The following CDC5L variants were observed in gnomAD, a reference collection of about 807,000 sequenced individuals.
The protein encoded by CDC5L is cell division cycle 5-like protein.
CDC5L carries 18 observed loss-of-function variants against 104.1 expected under a neutral mutation model. The ratio of observed to expected loss-of-function variants is 0.17; its 90% CI spans 0.12 to 0.26. CDC5L has a LOEUF of 0.26. CDC5L is among the 10% of genes least tolerant of loss of function. CDC5L has a pLI of 1.00. For missense variants in CDC5L, 673 were observed against 956.9 expected (o/e 0.70, Z 3.91); for synonymous variants, 331 against 322.7 (o/e 1.03, Z -0.28).
chr6:44,392,867 A>G, intron 3 of CDC5L, 39 bp downstream of exon 3: 2 of 1,557,102 alleles, frequency 1.3e-6, no homozygotes, highest in Non-Finnish European at 1.8e-6. Flanking sequence ...ATATATGTAT[A>G]TGTTCTGAAA....
chr6:44,417,316 C>G (rs1010436656), intron 8 of CDC5L, among the ~76,000 whole-genome samples: 3 of 152,092 alleles, frequency 2.0e-5, no homozygotes, highest in African/African-American at 7.2e-5. Flanking sequence ...CTTGGGCTTT[C>G]TCATAGTGTA....
chr6:44,390,424 T>C (rs1194524269), intron 2 of CDC5L, 53 bp downstream of exon 2: 2 of 1,116,112 alleles, frequency 1.8e-6, no homozygotes, highest in East Asian at 2.5e-5. Flanking sequence ...ATTATGATGA[T>C]GGAAAATGTC....
intron 9 of CDC5L, among the ~76,000 whole-genome samples, chr6:44,421,725 A>G (rs896823435): frequency 6.6e-6 from 1 of 152,268 alleles, no homozygotes; most frequent in Non-Finnish European, 1.5e-5. Context: ...TTTACATTGT[A>G]TTAGGTATTA....
intron 5 of CDC5L, among the ~76,000 whole-genome samples, chr6:44,400,147 T>C (rs1791054450): frequency 6.6e-6 from 1 of 152,232 alleles, no homozygotes; most frequent in Non-Finnish European, 1.5e-5. Flanking sequence ...CTTGGTTTCC[T>C]TTTGTTCTTG....
At chr6:44,404,723 C>T (rs1306501028) in intron 6 of CDC5L, among the ~76,000 whole-genome samples, 1 of 151,774 alleles carries the variant, frequency 6.6e-6, no homozygotes, top group East Asian at 1.9e-4. Context: ...AAGACAAGGT[C>T]TCACTCTTAT....
Position 44,396,334 on chromosome 6 carries a change from T to C in CDC5L, c.440-7T>C. ...ATACTTAGTTTTTCTTCTTTTAATT[T>C]TTGCAGATGAACTTGAGATGCTTTC... On this transcript the variant is annotated splice_region_variant and splice_polypyrimidine_tract_variant and intron_variant, in intron 4 of 15. Transcript: ENST00000371477. The C allele has an allele frequency of 6.3e-7, 1 of 1,595,638 alleles. No homozygotes were observed. The highest frequency in any genetic ancestry group is 2.2e-5 in the East Asian group (1 of 44,684).
intron 3 of CDC5L, among the ~76,000 whole-genome samples, chr6:44,393,206 A>G (rs1211461190): frequency 8.1e-6 from 1 of 123,878 alleles, no homozygotes; most frequent in Non-Finnish European, 1.6e-5. Context: ...GTATGGCTGT[A>G]CCGCATTTGT....
intron 3 of CDC5L, among the ~76,000 whole-genome samples, chr6:44,393,234 G>A (rs1330761596): frequency 3.5e-5 from 5 of 144,916 alleles, no homozygotes; most frequent in Admixed American, 2.1e-4. Context: ...ATCTGTTTGG[G>A]TTCTATTTTA....
In CDC5L at chr6:44,406,452, A is replaced by G. The variant is rs376094735; in HGVS notation, c.888A>G (p.Val296=). ...TTACTAAAAAGAGAAGCAAACTAGT[A>G]CTTCCTGCCCCTCAGGTAATCTGAT... ...SEFTKKRSKL[V]LPAPQISDAE... Residue 296 remains valine, a synonymous_variant, in exon 7 of 16, where the codon GTA becomes GTG. Transcript: ENST00000371477. 2.7e-5 allele frequency: 43 copies of G among 1,609,856 alleles called. No homozygotes were observed. Among genetic ancestry groups the G allele is most frequent in the Non-Finnish European group, 3.6e-5 (42 of 1,179,036 alleles).
intron 14 of CDC5L, among the ~76,000 whole-genome samples, chr6:44,432,317 TA>T (rs1419648616): frequency 1.3e-5 from 2 of 152,214 alleles, no homozygotes; most frequent in Non-Finnish European, 2.9e-5. Flanking sequence ...TTGTATAAAC[TA>T]AATGCTATAC....
chr6:44,425,342 A>G (rs1322056296), intron 11 of CDC5L, among the ~76,000 whole-genome samples: 1 of 152,152 alleles, frequency 6.6e-6, no homozygotes, highest in Non-Finnish European at 1.5e-5. Context: ...CAGAAATCCA[A>G]GATACTCTGG....
intron 14 of CDC5L, among the ~76,000 whole-genome samples, chr6:44,444,000 A>G (rs1207186603): frequency 6.6e-6 from 1 of 151,996 alleles, no homozygotes; most frequent in Non-Finnish European, 1.5e-5. Flanking sequence ...CCAGCTAGAG[A>G]TTTTAAGATA....
Position 44,416,823 on chromosome 6 carries a change from T to C in CDC5L, c.1093-2626T>C, listed in dbSNP as rs115828405. Reference sequence around the variant, plus strand: ...CACGTCACCCACTCTTCCAGGAATATATACTTTTGCCATTTGATTCTTATT... The same window carrying C: ...CACGTCACCCACTCTTCCAGGAATACATACTTTTGCCATTTGATTCTTATT... On this transcript the variant is annotated intron_variant, in intron 8 of 15. Transcript: ENST00000371477. Among the ~76,000 whole-genome samples the C allele has an allele frequency of 7.9e-3, 1,211 of 152,338 alleles. 21 individuals carry two copies. The highest frequency in any genetic ancestry group is 0.028 in the African/African-American group (1,157 of 41,568).
chr6:44,428,301 T>C (rs938352336), intron 13 of CDC5L, among the ~76,000 whole-genome samples: 3 of 152,174 alleles, frequency 2.0e-5, no homozygotes, highest in Non-Finnish European at 4.4e-5. Context: ...GAGATGATTT[T>C]CCGTTTCTTT....
rs62401212 is a variant in CDC5L at position 44,446,758 on chromosome 6, A to C, written c.*47A>C. On this transcript the variant is annotated 3_prime_UTR_variant, in exon 16 of 16. Coordinates refer to ENST00000371477, the MANE Select transcript of CDC5L (RefSeq NM_001253.4). ...CAGGATTAATTAATTGCCGGTTTTC[A>C]TACTCTAGAAGGCTGAAACTGATGT... is the stretch of plus-strand genomic sequence containing the variant. The C allele has an allele frequency of 1.1e-6, 1 of 934,674 alleles. No individual in the cohort carries two copies. 57.9% of individuals were successfully genotyped at this position (934,674 alleles called of 1,614,324 possible).
chr6:44,389,012 C>CT (rs1321152223), intron 1 of CDC5L, among the ~76,000 whole-genome samples: 1 of 152,138 alleles, frequency 6.6e-6, no homozygotes, highest in African/African-American at 2.4e-5. Context: ...ATAGTAGCCT[C>CT]TGAGTAAGAG....
chr6:44,416,352 G>A (rs1343250057), intron 8 of CDC5L, among the ~76,000 whole-genome samples: 2 of 152,152 alleles, frequency 1.3e-5, no homozygotes, highest in Non-Finnish European at 2.9e-5. Context: ...TTGACTCTTT[G>A]TCACTACTGT....
Position 44,388,158 on chromosome 6 carries a change from C to CT in CDC5L, c.45+290_45+291insT, listed in dbSNP as rs869068229. On this transcript the variant is annotated intron_variant, in intron 1 of 15. Coordinates refer to ENST00000371477, the MANE Select transcript of CDC5L (RefSeq NM_001253.4). ...CGCCCCCTCCCACCCCGCCCCCCCG[C>CT]CCCCCCCGGCCCCGGGAAGAACTCA... Among the ~76,000 whole-genome samples, 3 of 5,346 alleles carry CT rather than the reference C, an allele frequency of 5.6e-4. No individual in the cohort carries two copies. The Middle Eastern group carries it at 0.3, about 535-fold the overall frequency. The allele number at this position is 5,346 out of a possible 152,430, so 3.5% of individuals were successfully genotyped here.
chr6:44,406,607 TA>T, intron 7 of CDC5L, 140 bp downstream of exon 7: 1 of 766,266 alleles, frequency 1.3e-6, no homozygotes, highest in Non-Finnish European at 2.2e-6. Context: ...GAGACACACA[TA>T]AAAACAAGTA....
Sources: allele counts gnomAD v4.1 joint callset (sites outside exome capture counted in the v4.1 genomes callset), GRCh38; gene constraint gnomAD v4.1.1; transcripts MANE v1.5; gene names NCBI Gene and HGNC (gene_info 2026-07-23, HGNC 2026-07-21).